Variants in NPAS3 observed in about 807,000 individuals in gnomAD.
NPAS3 encodes neuronal PAS domain protein 3, also known as neuronal PAS domain-containing protein 3.
A neutral mutation model predicts 73.1 loss-of-function variants in NPAS3; 14 were observed. The ratio of observed to expected loss-of-function variants is 0.19; its 90% CI spans 0.13 to 0.30. The LOEUF (loss-of-function observed/expected upper bound fraction) is 0.30. NPAS3 is among the 10% of genes least tolerant of loss of function. NPAS3 has a pLI of 1.00. For missense variants in NPAS3, 1,096 were observed against 1,250.0 expected (o/e 0.88, Z 1.86); for synonymous variants, 620 against 541.5 (o/e 1.14, Z -2.01).
In NPAS3 at chr14:33,577,998, C is replaced by T. The variant is rs555822514; in HGVS notation, c.558+17788C>T. On this transcript the variant is annotated intron_variant, in intron 5 of 11. Coordinates refer to ENST00000356141, the Ensembl canonical transcript of NPAS3. ...TGATGCAGTGTCTCTCGGCCTTGTG[C>T]CAATTTTGAACATACCCCATTGAGT... Among the ~76,000 whole-genome samples, 92 of 152,290 alleles carry T rather than the reference C, an allele frequency of 6.0e-4. 1 individual carries two copies. The highest frequency in any genetic ancestry group is 2.0e-3 in the African/African-American group (85 of 41,562).
chr14:32,991,699 T>C (rs2139479393), intron 1 of NPAS3, among the ~76,000 whole-genome samples: 1 of 152,358 alleles, frequency 6.6e-6, no homozygotes, highest in South Asian at 2.1e-4. Context: ...GGATTATAAA[T>C]GCTATCCCAT....
chr14:33,618,128 T>C (rs1055102146), intron 5 of NPAS3, among the ~76,000 whole-genome samples: 4 of 152,162 alleles, frequency 2.6e-5, no homozygotes, highest in Admixed American at 1.3e-4. Flanking sequence ...TCTTGTTCTG[T>C]ACATGTTTCA....
intron 6 of NPAS3, among the ~76,000 whole-genome samples, chr14:33,698,639 T>G (rs1466571344): frequency 2.0e-5 from 3 of 152,192 alleles, no homozygotes; most frequent in African/African-American, 7.2e-5. Flanking sequence ...TACCCTCCCC[T>G]AAACGTTAGC....
At chr14:32,979,330 G>A (rs1028200419) in intron 1 of NPAS3, among the ~76,000 whole-genome samples, 2 of 152,138 alleles carry the variant, frequency 1.3e-5, no homozygotes, top group Admixed American at 6.5e-5. Context: ...ACTGATTGCT[G>A]TAAAATTTAA....
At chr14:33,779,329 G>T (rs1050517693) in intron 9 of NPAS3, among the ~76,000 whole-genome samples, 4 of 152,300 alleles carry the variant, frequency 2.6e-5, no homozygotes, top group African/African-American at 7.2e-5. Flanking sequence ...CTGGCTGTTC[G>T]CACTGTCCAT....
chr14:33,698,040 A>G lies in NPAS3; in HGVS notation c.733+21655A>G, dbSNP rs537799405. 1.2e-3 allele frequency among the ~76,000 whole-genome samples: 190 copies of G among 152,336 alleles called. 2 individuals are homozygous for G. The highest frequency in any genetic ancestry group is 4.4e-3 in the African/African-American group (183 of 41,578). ...CAATGCATAGAGACCCTTGCAGCTC[A>G]TGCATCCGATGGTCTGCAAAGCCCT... On this transcript the variant is annotated intron_variant, in intron 6 of 11. Coordinates refer to ENST00000356141, the Ensembl canonical transcript of NPAS3.
intron 3 of NPAS3, among the ~76,000 whole-genome samples, chr14:33,342,336 AG>A (rs2044525884): frequency 6.6e-6 from 1 of 152,234 alleles, no homozygotes; most frequent in African/African-American, 2.4e-5. Context: ...TAAACCTACC[AG>A]TGTAAAGCTG....
At chr14:33,431,265 A>T (rs2048772576) in intron 4 of NPAS3, among the ~76,000 whole-genome samples, 1 of 152,214 alleles carries the variant, frequency 6.6e-6, no homozygotes, top group African/African-American at 2.4e-5. Flanking sequence ...ACATCTCACT[A>T]GTTAAATACA....
At chr14:33,557,698 A>G (rs142878710) in intron 4 of NPAS3, among the ~76,000 whole-genome samples, 16 of 152,344 alleles carry the variant, frequency 1.1e-4, no homozygotes, top group East Asian at 3.9e-4. Flanking sequence ...AGCTGGGCGC[A>G]GTGGCTCACG....
chr14:33,772,333 A>G (rs1363556693), intron 7 of NPAS3, among the ~76,000 whole-genome samples: 1 of 152,052 alleles, frequency 6.6e-6, no homozygotes, highest in Non-Finnish European at 1.5e-5. Flanking sequence ...GACCCCCTTC[A>G]ATAGACTCCT....
intron 2 of NPAS3, among the ~76,000 whole-genome samples, chr14:33,069,025 A>G (rs554069702): frequency 6.6e-6 from 1 of 152,090 alleles, no homozygotes; most frequent in East Asian, 1.9e-4. Context: ...GAGAAATGAG[A>G]CCTAACTGAT....
chr14:33,424,690 G>A (rs1466339886), intron 4 of NPAS3, among the ~76,000 whole-genome samples: 3 of 151,772 alleles, frequency 2.0e-5, no homozygotes, highest in Non-Finnish European at 1.5e-5. Context: ...GGAAGGTGAT[G>A]CCAATCCATA....
intron 1 of NPAS3, among the ~76,000 whole-genome samples, chr14:32,958,967 G>A (rs1406579145): frequency 6.7e-6 from 1 of 150,142 alleles, no homozygotes; most frequent in Non-Finnish European, 1.5e-5. Context: ...ATTGAAAGAA[G>A]AATTGTCTTG....
At chr14:33,545,349 T>C (rs1421225130) in intron 4 of NPAS3, among the ~76,000 whole-genome samples, 1 of 152,150 alleles carries the variant, frequency 6.6e-6, no homozygotes, top group Non-Finnish European at 1.5e-5. Flanking sequence ...TAAATCAGGG[T>C]CCCAAGTCAA....
At chr14:33,567,327 G>T (rs1462946370) in intron 5 of NPAS3, among the ~76,000 whole-genome samples, 3 of 152,192 alleles carry the variant, frequency 2.0e-5, no homozygotes, top group Non-Finnish European at 4.4e-5. Flanking sequence ...GCAGTCTCAT[G>T]CGACAAAAAC....
At chr14:33,715,550 G>A (rs893525474) in intron 6 of NPAS3, among the ~76,000 whole-genome samples, 10 of 152,274 alleles carry the variant, frequency 6.6e-5, no homozygotes, top group African/African-American at 2.2e-4. Flanking sequence ...TGTACATGGG[G>A]AGATTGTTCT....
chr14:33,173,032 G>A (rs2045456878), intron 2 of NPAS3, among the ~76,000 whole-genome samples: 1 of 152,008 alleles, frequency 6.6e-6, no homozygotes, highest in Non-Finnish European at 1.5e-5. Context: ...GCTTGTTTTT[G>A]ATTTTCTATA....
intron 4 of NPAS3, among the ~76,000 whole-genome samples, chr14:33,413,051 A>G (rs1472138793): frequency 1.3e-5 from 2 of 152,188 alleles, no homozygotes; most frequent in African/African-American, 4.8e-5. Flanking sequence ...ACAACAGGAA[A>G]TACCAGTATG....
chr14:33,630,513 A>G (rs551036959), intron 5 of NPAS3, among the ~76,000 whole-genome samples: 3 of 152,212 alleles, frequency 2.0e-5, no homozygotes, highest in Non-Finnish European at 2.9e-5. Flanking sequence ...ATACAAATAC[A>G]TATGTTTGAC....
Sources: gnomAD v4.1 joint callset for allele counts (sites outside exome capture counted in the v4.1 genomes callset) on GRCh38, gnomAD v4.1.1 for gene constraint, MANE v1.5 for transcripts, NCBI Gene and HGNC (gene_info 2026-07-23, HGNC 2026-07-21) for gene names.